The following CCDC171 variants were observed in gnomAD, a reference collection of about 807,000 sequenced individuals.
CCDC171 encodes the protein coiled-coil domain-containing protein 171.
Under a neutral mutation model 168.2 loss-of-function variants are expected in CCDC171, and 177 were observed. The ratio of observed to expected loss-of-function variants is 1.05; its 90% CI spans 0.93 to 1.19. The LOEUF (loss-of-function observed/expected upper bound fraction) is 1.19, where lower values mean the gene tolerates loss of function less well. Among genes scored for constraint, CCDC171 ranks in the 50% most tolerant of loss-of-function variants. The pLI, the probability that CCDC171 is intolerant of heterozygous loss-of-function variation, is 0.00. For missense variants in CCDC171, 1,991 were observed against 1,539.0 expected, an observed-to-expected ratio of 1.29 and a Z score of -4.91; for synonymous variants, 687 against 540.8, an observed-to-expected ratio of 1.27 and a Z score of -3.75.
chr9:16,000,112 A>T (rs1589312596), intron 3 of CCDC171, among the ~76,000 whole-genome samples: 1 of 152,174 alleles, frequency 6.6e-6, no homozygotes, highest in Non-Finnish European at 1.5e-5. Context: ...TGGGGGCAGG[A>T]TAATTCTTCA....
intron 16 of CCDC171, among the ~76,000 whole-genome samples, chr9:15,742,801 C>CTT (rs869086658): frequency 0.016 from 2,418 of 150,056 alleles, 72 homozygotes; most frequent in African/African-American, 0.056. Context: ...CTAATCAATA[C>CTT]TTTTTTTTTT....
At chr9:15,837,616 G>T (rs1005346032) in intron 21 of CCDC171, among the ~76,000 whole-genome samples, 1 of 152,222 alleles carries the variant, frequency 6.6e-6, no homozygotes, top group South Asian at 2.1e-4. Flanking sequence ...CCATCCCTCT[G>T]CCTTGTCCCA....
At chr9:15,704,568 T>A (rs2052058487) in intron 11 of CCDC171, among the ~76,000 whole-genome samples, 1 of 152,144 alleles carries the variant, frequency 6.6e-6, no homozygotes, top group African/African-American at 2.4e-5. Context: ...AGCAAAATTG[T>A]TTTTTGGGCT....
intron 1 of CCDC171, among the ~76,000 whole-genome samples, chr9:16,056,930 G>A (rs1833851309): frequency 6.6e-6 from 1 of 152,216 alleles, no homozygotes; most frequent in Non-Finnish European, 1.5e-5. Flanking sequence ...AAATGAGTTT[G>A]GATTTCAAAA....
At chr9:15,806,344 T>C (rs1290837277) in intron 21 of CCDC171, among the ~76,000 whole-genome samples, 1 of 152,186 alleles carries the variant, frequency 6.6e-6, no homozygotes, top group African/African-American at 2.4e-5. Flanking sequence ...GTCTGTGTAC[T>C]TCAGTGTGTT....
chr9:15,713,080 ATT>A (rs1395076789), intron 11 of CCDC171, among the ~76,000 whole-genome samples: 2 of 152,174 alleles, frequency 1.3e-5, no homozygotes, highest in Non-Finnish European at 2.9e-5. Context: ...GTACCTAACC[ATT>A]CAGCCAAACA....
chr9:15,760,678 T>A (rs1471469970), intron 18 of CCDC171, among the ~76,000 whole-genome samples: 2 of 152,226 alleles, frequency 1.3e-5, no homozygotes, highest in Non-Finnish European at 2.9e-5. Context: ...CATATTACTT[T>A]TTACCTTTTC....
At position 15,623,475 on chromosome 9, in the gene CCDC171, G is replaced by GCGCACGCGCGCGCACACACACACA; in HGVS notation, c.822+63_822+64insGCACGCGCGCGCACACACACACAC. 26 of 315,474 alleles carry GCGCACGCGCGCGCACACACACACA rather than the reference G, an allele frequency of 8.2e-5. No homozygotes were observed. In the East Asian group the frequency reaches 1.9e-3, roughly 23 times the overall value. 19.5% of individuals were successfully genotyped at this position (315,474 alleles called of 1,614,324 possible). A position where few individuals can be genotyped will look rare whatever the true frequency, so the allele number is the denominator to read the frequency against. On this transcript the variant is annotated intron_variant, in intron 7 of 25. Coordinates refer to ENST00000380701, the MANE Select transcript of CCDC171 (RefSeq NM_173550.4). ...CAAACTTTCACATATGCGCGCGCGCGCACACACACACACACACACACACAC... is the reference window on the plus strand; with the variant it reads ...CAAACTTTCACATATGCGCGCGCGCGCGCACGCGCGCGCACACACACACACACACACACACACACACACACACAC...
chr9:16,060,740 G>C (rs112191415), exon 2 of CCDC171: 2 of 152,370 alleles, frequency 1.3e-5, no homozygotes, highest in African/African-American at 4.8e-5. Context: ...ATCGGTAGGA[G>C]TTAGAAAAAA....
chr9:16,064,137 G>A (rs543903444), downstream of CCDC171, among the ~76,000 whole-genome samples: 21 of 152,242 alleles, frequency 1.4e-4, no homozygotes, highest in African/African-American at 4.3e-4. Context: ...AATGTAACCC[G>A]TTTTCAGAGT....
chr9:15,771,989 C>G (rs1396603862), intron 18 of CCDC171, among the ~76,000 whole-genome samples: 1 of 152,094 alleles, frequency 6.6e-6, no homozygotes, highest in Non-Finnish European at 1.5e-5. Flanking sequence ...TGTGCCACCA[C>G]ATTCAGCTAA....
At chr9:15,964,936 AT>A (rs1465495196) in intron 25 of CCDC171, among the ~76,000 whole-genome samples, 1 of 151,868 alleles carries the variant, frequency 6.6e-6, no homozygotes, top group Non-Finnish European at 1.5e-5. Context: ...AATTTTTTGT[AT>A]TTTTAAGCAG....
chr9:15,600,220 T>G (rs2042729287), intron 6 of CCDC171, among the ~76,000 whole-genome samples: 1 of 152,206 alleles, frequency 6.6e-6, no homozygotes, highest in African/African-American at 2.4e-5. Flanking sequence ...ACTCTGATTT[T>G]TAGAGTTTCC....
intron 23 of CCDC171, among the ~76,000 whole-genome samples, chr9:15,854,996 A>G (rs1216813409): frequency 2.6e-5 from 4 of 151,692 alleles, no homozygotes; most frequent in Admixed American, 1.3e-4. Flanking sequence ...TGTATGCTCC[A>G]ATATATGGTC....
chr9:15,612,377 C>T (rs559975616), intron 6 of CCDC171, among the ~76,000 whole-genome samples: 1 of 152,268 alleles, frequency 6.6e-6, no homozygotes, highest in Non-Finnish European at 1.5e-5. Context: ...CTATCATTTT[C>T]TCCACCATTC....
chr9:15,837,993 C>G (rs956329852), intron 21 of CCDC171, among the ~76,000 whole-genome samples: 1 of 151,972 alleles, frequency 6.6e-6, no homozygotes, highest in Non-Finnish European at 1.5e-5. Context: ...AAAACAATTA[C>G]TGAGTTCAAT....
At chr9:15,623,475 G>GCACGCGCGCGCGCGCGCGCACACACACA (rs1554714959) in intron 7 of CCDC171, 62 bp downstream of exon 7, 1 of 293,710 alleles carries the variant, frequency 3.4e-6, no homozygotes, top group East Asian at 8.9e-5. Flanking sequence ...GCGCGCGCGC[G>GCACGCGCGCGCGCGCGCGCACACACACA]CACACACACA....
chr9:15,647,930 C>T (rs569551320), intron 7 of CCDC171, among the ~76,000 whole-genome samples: 2 of 152,190 alleles, frequency 1.3e-5, no homozygotes, highest in Admixed American at 6.5e-5. Context: ...CAAAGCCTGG[C>T]AGAGACACAA....
At chr9:15,766,538 T>A (rs2056732992) in intron 18 of CCDC171, among the ~76,000 whole-genome samples, 2 of 152,050 alleles carry the variant, frequency 1.3e-5, no homozygotes, top group South Asian at 4.1e-4. Flanking sequence ...AGAAAACAAA[T>A]AAGGCAGAAT....
Sources: allele counts gnomAD v4.1 joint callset (sites outside exome capture counted in the v4.1 genomes callset), GRCh38; gene constraint gnomAD v4.1.1; transcripts MANE v1.5; gene names NCBI Gene and HGNC (gene_info 2026-07-23, HGNC 2026-07-21).